The following BACE2 variants were observed in gnomAD, a reference collection of about 807,000 sequenced individuals.
BACE2 encodes the protein beta-secretase 2, also known as 56 kDa aspartic-like protease.
BACE2 carries 17 observed loss-of-function variants against 46.2 expected under a neutral mutation model. The ratio of observed to expected loss-of-function variants is 0.37; its 90% CI spans 0.25 to 0.55. The LOEUF (loss-of-function observed/expected upper bound fraction) is 0.55, where lower values mean the gene tolerates loss of function less well. Among genes scored for constraint, BACE2 ranks in the 20% least tolerant of loss-of-function variants. The pLI is 0.82. For synonymous variants in BACE2, 277 were observed against 295.9 expected (o/e 0.94, Z 0.66); for missense variants, 595 against 698.1 (o/e 0.85, Z 1.66).
At chr21:41,221,805 G>C (rs1012678913) in intron 1 of BACE2, among the ~76,000 whole-genome samples, 4 of 147,064 alleles carry the variant, frequency 2.7e-5, no homozygotes, top group Non-Finnish European at 4.4e-5. Flanking sequence ...TCCAGCCTGG[G>C]TGACTGAGCG....
At chr21:41,275,259 C>A in intron 8 of BACE2, 112 bp from the exon 9 acceptor site, 2 of 1,457,256 alleles carry the variant, frequency 1.4e-6, no homozygotes, top group Non-Finnish European at 1.9e-6. Flanking sequence ...GCCACTGGGA[C>A]CTCAGTGGAC....
In BACE2 at chr21:41,280,813, T is replaced by TCAG. The variant is rs2088540163; in HGVS notation, c.*5194_*5196dup. ...CCCTGAGCTTCCTCTGGGTTTCTTATCAGCAGCTATTACACACAGATGTCC... is the reference window on the plus strand; with the variant it reads ...CCCTGAGCTTCCTCTGGGTTTCTTATCAGCAGCAGCTATTACACACAGATGTCC... On this transcript the variant is annotated 3_prime_UTR_variant, in exon 9 of 9. Coordinates refer to ENST00000330333, the MANE Select transcript of BACE2 (RefSeq NM_012105.5). The TCAG allele has an allele frequency of 6.6e-6, 1 of 152,274 alleles. No homozygotes were observed. The allele number at this position is 152,274 out of a possible 1,614,324, so 9.4% of individuals were successfully genotyped here.
chr21:41,185,627 C>T (rs756472506), intron 1 of BACE2, among the ~76,000 whole-genome samples: 4 of 152,220 alleles, frequency 2.6e-5, no homozygotes, highest in Admixed American at 6.5e-5. Flanking sequence ...GTATAACCCA[C>T]AATCCTAGAG....
intron 8 of BACE2, among the ~76,000 whole-genome samples, chr21:41,262,550 A>C (rs774674585): frequency 5.1e-4 from 77 of 152,142 alleles, no homozygotes; most frequent in Non-Finnish European, 1.0e-3. Context: ...GAGATCCCTG[A>C]AAAACCCTGT....
chr21:41,177,028 A>G (rs1191460752), intron 1 of BACE2: 6 of 152,226 alleles, frequency 3.9e-5, no homozygotes, highest in African/African-American at 1.4e-4. Flanking sequence ...AGTGCAAACT[A>G]GAAGTTGTTA....
At chr21:41,171,481 C>T (rs555801742) in intron 1 of BACE2, among the ~76,000 whole-genome samples, 1 of 152,202 alleles carries the variant, frequency 6.6e-6, no homozygotes, top group Non-Finnish European at 1.5e-5. Context: ...AGCTGCAAGG[C>T]GTGTGTGCTG....
At chr21:41,196,467 A>C (rs1446913855) in intron 1 of BACE2, among the ~76,000 whole-genome samples, 1 of 152,210 alleles carries the variant, frequency 6.6e-6, no homozygotes, top group Non-Finnish European at 1.5e-5. Flanking sequence ...GTGTGCCTCA[A>C]AAGGGGACTG....
intron 8 of BACE2, among the ~76,000 whole-genome samples, chr21:41,268,513 T>G (rs2088402084): frequency 6.6e-6 from 1 of 152,244 alleles, no homozygotes; most frequent in African/African-American, 2.4e-5. Context: ...TTAGCAAATA[T>G]GAGAATACAG....
chr21:41,233,289 A>G (rs59711760), intron 2 of BACE2, among the ~76,000 whole-genome samples: 14,828 of 152,260 alleles, frequency 0.097, 2,336 homozygotes, highest in African/African-American at 0.33. Flanking sequence ...TTTAATCTGC[A>G]TAATTAACTT....
intron 1 of BACE2, among the ~76,000 whole-genome samples, chr21:41,220,215 C>A (rs867327770): frequency 5.9e-5 from 9 of 152,290 alleles, no homozygotes; most frequent in Middle Eastern, 3.4e-3. Context: ...TTCCGTGCCC[C>A]CCCTGTACAC....
At chr21:41,233,293 T>A (rs1004409524) in intron 2 of BACE2, among the ~76,000 whole-genome samples, 6 of 152,228 alleles carry the variant, frequency 3.9e-5, no homozygotes, top group Admixed American at 2.6e-4. Context: ...ATCTGCATAA[T>A]TAACTTCACG....
chr21:41,250,490 G>T (rs1170926268), intron 6 of BACE2, among the ~76,000 whole-genome samples: 1 of 152,196 alleles, frequency 6.6e-6, no homozygotes, highest in Admixed American at 6.5e-5. Flanking sequence ...GTTGAGAATT[G>T]AAGTAATTAT....
At chr21:41,214,945 A>T (rs1445379802) in intron 1 of BACE2, among the ~76,000 whole-genome samples, 2 of 151,802 alleles carry the variant, frequency 1.3e-5, no homozygotes, top group Non-Finnish European at 2.9e-5. Flanking sequence ...GAGGGCAGAG[A>T]TCAGAAGGAA....
At chr21:41,226,661 G>A (rs1039593281) in intron 2 of BACE2, among the ~76,000 whole-genome samples, 2 of 152,188 alleles carry the variant, frequency 1.3e-5, no homozygotes, top group Non-Finnish European at 2.9e-5. Context: ...GCCCTTTGGT[G>A]TTTATTGCAG....
At chr21:41,266,293 C>A (rs969571100) in intron 8 of BACE2, among the ~76,000 whole-genome samples, 1 of 152,166 alleles carries the variant, frequency 6.6e-6, no homozygotes, top group African/African-American at 2.4e-5. Flanking sequence ...ATTTTTCCAT[C>A]ACCGATGGGG....
At chr21:41,246,146 T>TG in intron 6 of BACE2, 83 bp downstream of exon 6, 7 of 1,011,006 alleles carry the variant, frequency 6.9e-6, no homozygotes, top group South Asian at 1.7e-5. Flanking sequence ...GTTCTGAGCA[T>TG]CTCTGAACTA....
At chr21:41,255,467 T>C (rs1054391212) in intron 7 of BACE2, among the ~76,000 whole-genome samples, 4 of 152,202 alleles carry the variant, frequency 2.6e-5, no homozygotes, top group Non-Finnish European at 4.4e-5. Context: ...GGGAGAAGAA[T>C]GCAGCCCTCT....
intron 2 of BACE2, among the ~76,000 whole-genome samples, chr21:41,235,768 G>C (rs950956592): frequency 5.3e-5 from 8 of 152,240 alleles, no homozygotes; most frequent in Non-Finnish European, 1.0e-4. Flanking sequence ...CCTGAGCCCA[G>C]GAGTTCAAGC....
At chr21:41,189,434 A>G (rs1175458611) in intron 1 of BACE2, among the ~76,000 whole-genome samples, 1 of 152,124 alleles carries the variant, frequency 6.6e-6, no homozygotes, top group Admixed American at 6.5e-5. Context: ...TTTTCTCTGA[A>G]TGCTTCTGTT....
Sources: gnomAD v4.1 joint callset for allele counts (sites outside exome capture counted in the v4.1 genomes callset) on GRCh38, gnomAD v4.1.1 for gene constraint, MANE v1.5 for transcripts, NCBI Gene and HGNC (gene_info 2026-07-23, HGNC 2026-07-21) for gene names.